The following MPDZ variants were observed in gnomAD, a reference collection of about 807,000 sequenced individuals.
MPDZ encodes multiple PDZ domain crumbs cell polarity complex component.
A neutral mutation model predicts 239.1 loss-of-function variants in MPDZ; 234 were observed. The ratio of observed to expected loss-of-function variants is 0.98; its 90% confidence interval spans 0.88 to 1.09. The LOEUF is 1.09. MPDZ is among the 50% of genes least tolerant of loss of function. The probability of loss-of-function intolerance (pLI) is 0.00; values close to 1 mark genes in which losing one functional copy is unlikely to be tolerated. For synonymous variants in MPDZ, 1,048 were observed against 881.3 expected, an observed-to-expected ratio of 1.19 and a Z score of -3.35; for missense variants, 3,175 against 2,510.0, an observed-to-expected ratio of 1.26 and a Z score of -5.66.
intron 19 of MPDZ, 60 bp from the exon 20 acceptor site, chr9:13,176,477 A>G: frequency 1.6e-6 from 2 of 1,285,126 alleles, no homozygotes; most frequent in Non-Finnish European, 1.0e-6. Context: ...TTACATCAAT[A>G]TATAACATCA....
At chr9:13,179,222 C>T (rs1469357102) in intron 19 of MPDZ, among the ~76,000 whole-genome samples, 2 of 152,062 alleles carry the variant, frequency 1.3e-5, no homozygotes, top group Non-Finnish European at 2.9e-5. Context: ...TAAACAATAA[C>T]CTGTTGGCTC....
At chr9:13,179,351 C>T (rs1271241974) in intron 19 of MPDZ, among the ~76,000 whole-genome samples, 1 of 152,088 alleles carries the variant, frequency 6.6e-6, no homozygotes, top group Non-Finnish European at 1.5e-5. Context: ...CTCCCCCATG[C>T]CTCAAAGATA....
At chr9:13,125,749 T>C (rs1010215408) in intron 34 of MPDZ, among the ~76,000 whole-genome samples, 1 of 152,162 alleles carries the variant, frequency 6.6e-6, no homozygotes, top group Non-Finnish European at 1.5e-5. Flanking sequence ...CCTGATTCTA[T>C]AGAAGCAACT....
chr9:13,109,134 A>G, intron 45 of MPDZ, 75 bp from the exon 46 acceptor site: 1 of 1,114,500 alleles, frequency 9.0e-7, no homozygotes, highest in Non-Finnish European at 1.2e-6. Context: ...GAATTATCTG[A>G]CATCCACCTA....
intron 1 of MPDZ, among the ~76,000 whole-genome samples, chr9:13,263,873 T>C (rs904997877): frequency 3.3e-5 from 5 of 152,160 alleles, no homozygotes; most frequent in Non-Finnish European, 7.4e-5. Flanking sequence ...AATATTCAAA[T>C]GACAATAAAA....
chr9:13,242,450 A>C (rs1588064255), intron 3 of MPDZ, among the ~76,000 whole-genome samples: 1 of 151,326 alleles, frequency 6.6e-6, no homozygotes, highest in African/African-American at 2.4e-5. Flanking sequence ...GCTGGTCTCG[A>C]CCTCCTGGCC....
intron 24 of MPDZ, among the ~76,000 whole-genome samples, chr9:13,153,538 C>A (rs1220263876): frequency 1.3e-5 from 2 of 151,996 alleles, no homozygotes; most frequent in African/African-American, 4.8e-5. Context: ...TGACTTTCAA[C>A]CTCAATGTCC....
chr9:13,175,190 C>A (rs1458347009), intron 21 of MPDZ, among the ~76,000 whole-genome samples: 1 of 152,122 alleles, frequency 6.6e-6, no homozygotes, highest in Non-Finnish European at 1.5e-5. Context: ...TAGGATATTT[C>A]TACAGAAAGT....
intron 19 of MPDZ, 74 bp downstream of exon 19, chr9:13,183,344 C>T: frequency 8.4e-7 from 1 of 1,190,194 alleles, no homozygotes; most frequent in Non-Finnish European, 1.2e-6. Context: ...CCCACAACTC[C>T]CCATAAGGAC....
intron 3 of MPDZ, among the ~76,000 whole-genome samples, chr9:13,236,426 G>C (rs1296155081): frequency 2.0e-5 from 3 of 149,932 alleles, no homozygotes; most frequent in Non-Finnish European, 4.4e-5. Flanking sequence ...GGGATTACAG[G>C]CATGTACCAC....
intron 28 of MPDZ, 106 bp downstream of exon 28, chr9:13,139,881 A>G: frequency 7.7e-7 from 1 of 1,291,634 alleles, no homozygotes; most frequent in Non-Finnish European, 1.1e-6. Context: ...TGCAGTATAT[A>G]TCACAAAGCT....
At chr9:13,143,335 G>A (rs867515481) in intron 27 of MPDZ, 131 bp downstream of exon 27, 5 of 673,394 alleles carry the variant, frequency 7.4e-6, no homozygotes, top group African/African-American at 1.8e-5. Context: ...ACTCCAAACA[G>A]CTTTGTTTTT....
chr9:13,146,594 T>A (rs896468497), intron 26 of MPDZ, among the ~76,000 whole-genome samples: 5 of 152,006 alleles, frequency 3.3e-5, no homozygotes, highest in African/African-American at 9.7e-5. Flanking sequence ...AGAATCACTA[T>A]GATGGGGGTT....
chr9:13,254,495 A>C lies in MPDZ; in HGVS notation c.-57-4123T>G, dbSNP rs776373197. 4.1e-4 allele frequency among the ~76,000 whole-genome samples: 62 copies of C among 152,312 alleles called. 1 individual carries two copies. The highest frequency in any genetic ancestry group is 8.3e-4 in the South Asian group (4 of 4,828). On this transcript the variant is annotated intron_variant, in intron 1 of 46. Transcript: ENST00000319217. The stretch of plus-strand genomic sequence containing the variant: ...GTTGTAATTGTTCAATTTTATTATT[A>C]GTTGTTGTTAATCTCTTATTGAGCT...
intron 10 of MPDZ, among the ~76,000 whole-genome samples, chr9:13,215,433 T>C (rs975381166): frequency 4.7e-5 from 7 of 149,032 alleles, no homozygotes; most frequent in African/African-American, 1.8e-4. Flanking sequence ...TATGTGTGTA[T>C]ATATGATATA....
At chr9:13,115,911 C>T (rs553155128) in intron 39 of MPDZ, among the ~76,000 whole-genome samples, 1 of 145,866 alleles carries the variant, frequency 6.9e-6, no homozygotes, top group African/African-American at 2.6e-5. Context: ...TGCCACTGCA[C>T]TCCACCTGGG....
At chr9:13,221,564 G>A in intron 6 of MPDZ, 64 bp from the exon 7 acceptor site, 1 of 1,532,010 alleles carries the variant, frequency 6.5e-7, no homozygotes, top group East Asian at 2.3e-5. Flanking sequence ...TTACATTACA[G>A]TAGAAATTTT....
rs2131089296 is a variant in MPDZ at position 13,110,725 on chromosome 9, C to T, written c.5740G>A (p.Val1914Ile). 3 of 1,613,062 alleles carry T rather than the reference C, an allele frequency of 1.9e-6. No individual in the cohort carries two copies. The highest frequency in any genetic ancestry group is 1.6e-4 in the Middle Eastern group (1 of 6,062). The change falls in exon 44 of 47, where the codon GTC (valine) becomes ATC (isoleucine). Residue 1914 changes from valine to isoleucine, a missense_variant. By Grantham distance (29) the Val-to-Ile change is conservative. Transcript: ENST00000319217. ...TCAGTGGATGTGCCACAGATGGTGACAATCCTATCCCCAACCTGCAAGGGA... is the reference window on the plus strand; with the variant it reads ...TCAGTGGATGTGCCACAGATGGTGATAATCCTATCCCCAACCTGCAAGGGA... ...TQKLRVGDRI[V>I]TICGTSTEGM...
Position 13,181,687 on chromosome 9 carries a change from C to G in MPDZ, c.2649+1731G>C, listed in dbSNP as rs536422125. Among the ~76,000 whole-genome samples, 19 of 152,278 alleles carry G rather than the reference C, an allele frequency of 1.2e-4. No homozygotes were observed. In the South Asian group the frequency reaches 3.5e-3, roughly 28 times the overall value. On this transcript the variant is annotated intron_variant, in intron 19 of 46. Coordinates refer to ENST00000319217, the MANE Select transcript of MPDZ (RefSeq NM_001378778.1). ...AATACAAAAGGAGGCAAACAGACTT[C>G]GGTAAGCCAATATGTTGTGCTGCAT...
Sources: allele counts gnomAD v4.1 joint callset (sites outside exome capture counted in the v4.1 genomes callset), GRCh38; gene constraint gnomAD v4.1.1; transcripts MANE v1.5; gene names NCBI Gene and HGNC (gene_info 2026-07-23, HGNC 2026-07-21).